The following ATF2 variants were observed in gnomAD, a reference collection of about 807,000 sequenced individuals.
ATF2 encodes cyclic AMP-dependent transcription factor ATF-2.
In ATF2, 24 loss-of-function variants were observed where a neutral mutation model predicts 60.6. The observed-to-expected ratio is 0.40, with a 90% CI of 0.29 to 0.56. The LOEUF (loss-of-function observed/expected upper bound fraction) is 0.56. Ranked by LOEUF, ATF2 falls within the 20% of genes least tolerant of loss-of-function variation. ATF2 has a pLI of 0.54. For synonymous variants in ATF2, 206 were observed against 215.4 expected, an observed-to-expected ratio of 0.96 and a Z score of 0.38; for missense variants, 433 against 607.7, an observed-to-expected ratio of 0.71 and a Z score of 3.02.
intron 4 of ATF2, among the ~76,000 whole-genome samples, chr2:175,121,854 C>T (rs1463285975): frequency 6.6e-6 from 1 of 151,694 alleles, no homozygotes; most frequent in African/African-American, 2.4e-5. Flanking sequence ...AAATAGACCA[C>T]CATTAATTTG....
chr2:175,124,554 C>T (rs935043246), intron 4 of ATF2, among the ~76,000 whole-genome samples: 1 of 151,802 alleles, frequency 6.6e-6, no homozygotes, highest in Non-Finnish European at 1.5e-5. Flanking sequence ...TAGATAGACA[C>T]AAATAAGTTT....
intron 3 of ATF2, among the ~76,000 whole-genome samples, chr2:175,132,523 C>T (rs1697806852): frequency 6.6e-6 from 1 of 152,090 alleles, no homozygotes; most frequent in Non-Finnish European, 1.5e-5. Flanking sequence ...ATAAATCCTC[C>T]CTTTTGCTCG....
intron 11 of ATF2, among the ~76,000 whole-genome samples, chr2:175,093,703 T>C (rs1694707164): frequency 1.3e-5 from 2 of 152,308 alleles, no homozygotes; most frequent in South Asian, 2.1e-4. Context: ...ATGATTTCTA[T>C]GCTATTTTTA....
intron 2 of ATF2, among the ~76,000 whole-genome samples, chr2:175,145,426 T>C (rs577658236): frequency 3.9e-5 from 6 of 152,314 alleles, no homozygotes; most frequent in Admixed American, 3.9e-4. Flanking sequence ...CTCACCATGT[T>C]ATGTGCCTGC....
At chr2:175,164,296 G>A (rs1700213824) in intron 1 of ATF2, among the ~76,000 whole-genome samples, 1 of 152,142 alleles carries the variant, frequency 6.6e-6, no homozygotes, top group Admixed American at 6.5e-5. Context: ...CACTTTGAGA[G>A]GCCAAGGCGA....
intron 4 of ATF2, among the ~76,000 whole-genome samples, chr2:175,128,776 A>C (rs1247243411): frequency 1.3e-5 from 2 of 152,106 alleles, no homozygotes; most frequent in Non-Finnish European, 1.5e-5. Flanking sequence ...ACAGAAAAAG[A>C]AGCCTCTGAC....
At chr2:175,139,235 TAAAAG>T (rs1442960307) in intron 2 of ATF2, among the ~76,000 whole-genome samples, 1 of 152,168 alleles carries the variant, frequency 6.6e-6, no homozygotes, top group Admixed American at 6.5e-5. Flanking sequence ...GTTAAATTGT[TAAAAG>T]AAATTATATC....
At chr2:175,077,965 CCA>C (rs1483175596) in intron 13 of ATF2, among the ~76,000 whole-genome samples, 1 of 152,040 alleles carries the variant, frequency 6.6e-6, no homozygotes, top group South Asian at 2.1e-4. Flanking sequence ...CTACCTATGT[CCA>C]CAAGTTTCTT....
intron 1 of ATF2, among the ~76,000 whole-genome samples, chr2:175,160,366 T>C (rs2788523): frequency 0.74 from 112,427 of 152,116 alleles, 42,530 homozygotes; most frequent in East Asian, 0.87. Context: ...GCCTGGGTGA[T>C]AGAGACCCTG....
intron 1 of ATF2, among the ~76,000 whole-genome samples, chr2:175,151,562 T>C (rs573331451): frequency 2.0e-4 from 30 of 152,300 alleles, no homozygotes; most frequent in African/African-American, 6.7e-4. Flanking sequence ...GTTTTTCTTA[T>C]GTCATTGCTG....
At chr2:175,085,984 G>C (rs1372252439) in intron 12 of ATF2, among the ~76,000 whole-genome samples, 2 of 151,944 alleles carry the variant, frequency 1.3e-5, no homozygotes, top group Non-Finnish European at 2.9e-5. Flanking sequence ...GTATCTAAAA[G>C]GTATAATATA....
At chr2:175,145,030 C>A (rs1698849760) in intron 2 of ATF2, among the ~76,000 whole-genome samples, 1 of 152,062 alleles carries the variant, frequency 6.6e-6, no homozygotes, top group Non-Finnish European at 1.5e-5. Context: ...ATAGAATGAA[C>A]CTTGGTATTA....
chr2:175,111,713 C>T, intron 9 of ATF2, 59 bp from the exon 10 acceptor site: 2 of 1,397,924 alleles, frequency 1.4e-6, no homozygotes, highest in Non-Finnish European at 2.0e-6. Context: ...GAGATTTGTA[C>T]TTTACTGCTG....
intron 10 of ATF2, among the ~76,000 whole-genome samples, chr2:175,108,718 GT>G (rs1469532660): frequency 9.2e-5 from 14 of 152,224 alleles, no homozygotes; most frequent in Non-Finnish European, 7.3e-5. Flanking sequence ...GACGATGGCG[GT>G]TTTGCGGAAT....
At chr2:175,097,695 T>C in intron 10 of ATF2, 102 bp from the exon 11 acceptor site, 4 of 1,232,784 alleles carry the variant, frequency 3.2e-6, no homozygotes, top group African/African-American at 1.5e-5. Flanking sequence ...CCCTGAGTCC[T>C]TTTGCCTAGT....
intron 1 of ATF2, among the ~76,000 whole-genome samples, chr2:175,167,094 C>T (rs1054152998): frequency 1.3e-5 from 2 of 152,080 alleles, no homozygotes; most frequent in African/African-American, 4.8e-5. Context: ...AGTAGTTTTG[C>T]TCTTGGCCTC....
At chr2:175,091,477 G>A (rs188937818) in intron 12 of ATF2, among the ~76,000 whole-genome samples, 12 of 151,872 alleles carry the variant, frequency 7.9e-5, no homozygotes, top group African/African-American at 2.9e-4. Context: ...CATTTTTGCA[G>A]CATAAATTAG....
intron 2 of ATF2, among the ~76,000 whole-genome samples, chr2:175,140,108 T>C (rs1282696591): frequency 1.3e-5 from 2 of 152,188 alleles, no homozygotes; most frequent in African/African-American, 2.4e-5. Context: ...GAGGTAACTA[T>C]GAAGCAGTCA....
intron 12 of ATF2, among the ~76,000 whole-genome samples, chr2:175,088,297 A>G (rs1694303526): frequency 6.6e-6 from 1 of 152,190 alleles, no homozygotes; most frequent in Non-Finnish European, 1.5e-5. Flanking sequence ...TAGAATTCAG[A>G]AATTAAATCA....
Sources: allele counts gnomAD v4.1 joint callset (sites outside exome capture counted in the v4.1 genomes callset), GRCh38; gene constraint gnomAD v4.1.1; transcripts MANE v1.5; gene names NCBI Gene and HGNC (gene_info 2026-07-23, HGNC 2026-07-21).